GNA13: variants seen among roughly 807,000 people sequenced by gnomAD.
The protein encoded by GNA13 is G protein subunit alpha 13, also known as guanine nucleotide-binding protein subunit alpha-13.
In GNA13, 4 loss-of-function variants were observed where a neutral mutation model predicts 33.5. The ratio of observed to expected loss-of-function variants is 0.12; its 90% CI spans 0.06 to 0.27. The LOEUF (loss-of-function observed/expected upper bound fraction) is 0.27. GNA13 is among the 10% of genes least tolerant of loss of function. The pLI is 1.00. For missense variants in GNA13, 319 were observed against 487.2 expected (o/e 0.65, Z 3.25); for synonymous variants, 176 against 183.8 (o/e 0.96, Z 0.34).
chr17:65,011,114 T>C lies in GNA13; in HGVS notation c.*3143A>G, dbSNP rs1906171629. On this transcript the variant is annotated 3_prime_UTR_variant, in exon 4 of 4. Coordinates refer to ENST00000439174, the MANE Select transcript of GNA13 (RefSeq NM_006572.6). The stretch of plus-strand genomic sequence containing the variant: ...AAGTTAGGACTTAACCAATTTCTTC[T>C]TACAAAAAATGATAAGGACATATGG... 4.8e-6 allele frequency: 1 copy of C among 206,438 alleles called. No individual in the cohort carries two copies. The highest frequency in any genetic ancestry group is 5.9e-5 in the Admixed American group (1 of 16,842). 12.8% of individuals were successfully genotyped at this position (206,438 alleles called of 1,614,324 possible).
chr17:65,047,668 T>TA (rs908557329), intron 2 of GNA13, among the ~76,000 whole-genome samples: 1 of 151,838 alleles, frequency 6.6e-6, no homozygotes, highest in Admixed American at 6.6e-5. Flanking sequence ...ATTCTTTTTT[T>TA]TTTTTAAGAG....
At chr17:65,025,098 A>G (rs1044935984) in intron 2 of GNA13, among the ~76,000 whole-genome samples, 1 of 152,038 alleles carries the variant, frequency 6.6e-6, no homozygotes, top group Admixed American at 6.6e-5. Flanking sequence ...GGGTTTCACT[A>G]TGTTGCCCAG....
chr17:65,041,538 AT>A (rs1377384056), intron 2 of GNA13, among the ~76,000 whole-genome samples: 1 of 152,126 alleles, frequency 6.6e-6, no homozygotes, highest in East Asian at 1.9e-4. Context: ...GAACATATGA[AT>A]TTTTTTACCT....
chr17:65,026,024 A>C (rs1386934636), intron 2 of GNA13, among the ~76,000 whole-genome samples: 1 of 151,948 alleles, frequency 6.6e-6, no homozygotes, highest in Non-Finnish European at 1.5e-5. Context: ...AGACACAACA[A>C]AAAAAATTAT....
At position 65,010,797 on chromosome 17, in the gene GNA13, T is replaced by C. The variant is rs1906161587; in HGVS notation, c.*3460A>G. 2 of 211,406 alleles carry C rather than the reference T, an allele frequency of 9.5e-6. No homozygotes were observed. Among genetic ancestry groups the C allele is most frequent in the Non-Finnish European group, 1.9e-5 (2 of 104,076 alleles). The allele number at this position is 211,406 out of a possible 1,614,324, so 13.1% of individuals were successfully genotyped here. On this transcript the variant is annotated 3_prime_UTR_variant, in exon 4 of 4. Transcript: ENST00000439174. ...GATTTCACGGATTCAAACAAGAAAT[T>C]AACACTGATATTTAGCCTTCTCATG...
intron 2 of GNA13, among the ~76,000 whole-genome samples, chr17:65,049,170 C>T (rs1156472791): frequency 1.3e-5 from 2 of 152,216 alleles, no homozygotes; most frequent in East Asian, 3.9e-4. Flanking sequence ...AGTGCAGTGG[C>T]ATGATCTCCA....
At chr17:65,033,072 C>T (rs1033878508) in intron 2 of GNA13, among the ~76,000 whole-genome samples, 1 of 151,178 alleles carries the variant, frequency 6.6e-6, no homozygotes, top group Non-Finnish European at 1.5e-5. Context: ...GATCGTGCCA[C>T]TGTACTCTAG....
intron 3 of GNA13, among the ~76,000 whole-genome samples, chr17:65,016,524 C>T (rs1404920103): frequency 6.6e-6 from 1 of 152,136 alleles, no homozygotes; most frequent in Non-Finnish European, 1.5e-5. Context: ...CCACGGCCGG[C>T]TACTTCTTTG....
chr17:65,044,869 C>T (rs974186218), intron 2 of GNA13, among the ~76,000 whole-genome samples: 1 of 151,656 alleles, frequency 6.6e-6, no homozygotes, highest in African/African-American at 2.4e-5. Flanking sequence ...ATGGTGAAAC[C>T]CTGTCTCTAC....
intron 2 of GNA13, among the ~76,000 whole-genome samples, chr17:65,045,718 G>A (rs1907636737): frequency 6.6e-6 from 1 of 152,094 alleles, no homozygotes; most frequent in African/African-American, 2.4e-5. Flanking sequence ...AATAAAGAAA[G>A]AAGAAATGGT....
rs935500851 is a variant in GNA13, at chr17:65,011,995, T to C, written c.*2262A>G. 1.1e-4 allele frequency: 24 copies of C among 227,640 alleles called. No individual in the cohort carries two copies. Among genetic ancestry groups the C allele is most frequent in the African/African-American group, 5.3e-4 (24 of 45,088 alleles). The allele number at this position is 227,640 out of a possible 1,614,324, so 14.1% of individuals were successfully genotyped here. A position where few individuals can be genotyped will look rare whatever the true frequency, so the allele number is the denominator to read the frequency against. On this transcript the variant is annotated 3_prime_UTR_variant, in exon 4 of 4. Coordinates refer to ENST00000439174, the MANE Select transcript of GNA13 (RefSeq NM_006572.6). ...AATGTCAAAACAAGCCTAAGTTGAA[T>C]ATAAGTAATTCATTGCCTCAAAATA...
At chr17:65,034,781 ATTTAT>A (rs1164363912) in intron 2 of GNA13, among the ~76,000 whole-genome samples, 8 of 152,000 alleles carry the variant, frequency 5.3e-5, no homozygotes, top group African/African-American at 1.4e-4. Flanking sequence ...TATGTTTAGT[ATTTAT>A]TTTATTTTAT....
chr17:65,019,455 G>A (rs546123065), intron 2 of GNA13, among the ~76,000 whole-genome samples: 1 of 152,272 alleles, frequency 6.6e-6, no homozygotes, highest in South Asian at 2.1e-4. Context: ...AAGAAAATGT[G>A]ATACACATAC....
rs2143759742 is a variant in GNA13 at position 65,011,296 on chromosome 17, T to C, written c.*2961A>G. On this transcript the variant is annotated 3_prime_UTR_variant, in exon 4 of 4. Coordinates refer to ENST00000439174, the MANE Select transcript of GNA13 (RefSeq NM_006572.6). ...AACCAGAGGACCTTCTCTATGCAAATTACATGCCAATACACCTTAAAAGAA... is the reference window on the plus strand; with the variant it reads ...AACCAGAGGACCTTCTCTATGCAAACTACATGCCAATACACCTTAAAAGAA... 5.0e-6 allele frequency: 1 copy of C among 198,512 alleles called. No homozygotes were observed. Among genetic ancestry groups the C allele is most frequent in the South Asian group, 1.9e-4 (1 of 5,208 alleles). The allele number at this position is 198,512 out of a possible 1,614,324, so 12.3% of individuals were successfully genotyped here. A position where few individuals can be genotyped will look rare whatever the true frequency, so the allele number is the denominator to read the frequency against.
intron 2 of GNA13, among the ~76,000 whole-genome samples, chr17:65,028,522 T>C (rs557791816): frequency 6.6e-6 from 1 of 152,090 alleles, no homozygotes; most frequent in East Asian, 1.9e-4. Context: ...AGAACCACTG[T>C]AATTATAATT....
intron 3 of GNA13, 141 bp downstream of exon 3, chr17:65,018,112 A>G (rs1195139276): frequency 3.5e-5 from 5 of 143,942 alleles, no homozygotes; most frequent in African/African-American, 4.8e-5. Flanking sequence ...AAAAAAAAAA[A>G]AAAAAAAAAA....
chr17:65,020,654 ATT>A (rs112893348), intron 2 of GNA13, among the ~76,000 whole-genome samples: 3 of 144,658 alleles, frequency 2.1e-5, no homozygotes, highest in South Asian at 2.2e-4. Flanking sequence ...ACTGAAGGGA[ATT>A]TTTTTTTTTT....
Position 65,053,518 on chromosome 17 carries a change from C to A in GNA13, c.494G>T (p.Arg165Leu). The change falls in exon 2 of 4, where the codon CGT becomes CTT. Residue 165 changes from arginine (R) to leucine (L), a missense_variant. Arg to Leu is a moderately radical substitution (Grantham distance 102). Transcript: ENST00000439174. ...DSGIQNAYDR[R>L]REFQLGESVK... ...ATCTCTTACCAGTTGAAATTCTCGA[C>A]GCCGGTCATAGGCATTCTGTATGCC... 6.2e-7 allele frequency: 1 copy of A among 1,603,516 alleles called. No individual in the cohort carries two copies. Among genetic ancestry groups the A allele is most frequent in the African/African-American group, 1.3e-5 (1 of 74,830 alleles).
intron 3 of GNA13, among the ~76,000 whole-genome samples, chr17:65,015,978 G>C (rs8070679): frequency 0.85 from 129,777 of 152,190 alleles, 59,213 homozygotes; most frequent in East Asian, 1. Flanking sequence ...ACCTGGGAGG[G>C]AGGGTTGTTG....
Sources: gnomAD v4.1 joint callset for allele counts (sites outside exome capture counted in the v4.1 genomes callset) on GRCh38, gnomAD v4.1.1 for gene constraint, MANE v1.5 for transcripts, NCBI Gene and HGNC (gene_info 2026-07-23, HGNC 2026-07-21) for gene names.